ADGRL2: variants seen among roughly 807,000 people sequenced by gnomAD.
ADGRL2 encodes the protein adhesion G protein-coupled receptor L2.
ADGRL2 carries 44 observed loss-of-function variants against 157.4 expected under a neutral mutation model. The observed-to-expected ratio is 0.28, with a 90% CI of 0.22 to 0.36. The LOEUF (loss-of-function observed/expected upper bound fraction) is 0.36. ADGRL2 is among the 10% of genes least tolerant of loss of function. The pLI, the probability that ADGRL2 is intolerant of heterozygous loss-of-function variation, is 1.00. For synonymous variants in ADGRL2, 585 were observed against 624.7 expected (o/e 0.94, Z 0.95); for missense variants, 1,510 against 1,768.9 (o/e 0.85, Z 2.63).
At chr1:81,760,622 T>TA (rs1442704869) in intron 1 of ADGRL2, among the ~76,000 whole-genome samples, 2 of 151,848 alleles carry the variant, frequency 1.3e-5, no homozygotes, top group Admixed American at 1.3e-4. Flanking sequence ...CTTTAGTTCT[T>TA]AAAAAAAGTA....
chr1:81,309,238 CA>C (rs771969424), intron 1 of ADGRL2, among the ~76,000 whole-genome samples: 6 of 152,090 alleles, frequency 3.9e-5, no homozygotes, highest in Non-Finnish European at 7.4e-5. Context: ...TTTCCTAAAT[CA>C]TGGAAGTTAT....
At chr1:81,601,685 G>T (rs2081335864) in intron 3 of ADGRL2, among the ~76,000 whole-genome samples, 1 of 152,186 alleles carries the variant, frequency 6.6e-6, no homozygotes, top group South Asian at 2.1e-4. Context: ...ATTCATCTGA[G>T]AATGTGGCCA....
At chr1:81,849,788 C>A (rs2092932308) in intron 2 of ADGRL2, among the ~76,000 whole-genome samples, 2 of 151,842 alleles carry the variant, frequency 1.3e-5, no homozygotes, top group Non-Finnish European at 2.9e-5. Flanking sequence ...TGGATGGACA[C>A]CTTCCTAAGT....
intron 1 of ADGRL2, among the ~76,000 whole-genome samples, chr1:81,409,932 G>A (rs556931428): frequency 1.3e-5 from 2 of 152,118 alleles, no homozygotes; most frequent in Non-Finnish European, 2.9e-5. Flanking sequence ...GATGTTGGAT[G>A]CATATTTGAG....
At chr1:81,417,443 T>C (rs1253775734) in intron 1 of ADGRL2, among the ~76,000 whole-genome samples, 2 of 152,202 alleles carry the variant, frequency 1.3e-5, no homozygotes, top group Non-Finnish European at 2.9e-5. Context: ...TAGATCACAA[T>C]GAGTTTTTCA....
At chr1:81,774,697 A>G (rs1296949629) in intron 2 of ADGRL2, among the ~76,000 whole-genome samples, 2 of 152,094 alleles carry the variant, frequency 1.3e-5, no homozygotes, top group African/African-American at 2.4e-5. Context: ...TCATTATCAC[A>G]GTAGTTTTTG....
At chr1:81,306,573 T>A (rs887285291) in intron 1 of ADGRL2, 5 of 152,238 alleles carry the variant, frequency 3.3e-5, no homozygotes, top group African/African-American at 1.2e-4. Flanking sequence ...TTATCAAATG[T>A]CACTTGAATG....
At chr1:81,390,384 A>C (rs1419219649) in intron 1 of ADGRL2, among the ~76,000 whole-genome samples, 5 of 152,302 alleles carry the variant, frequency 3.3e-5, no homozygotes, top group Non-Finnish European at 2.9e-5. Flanking sequence ...TGGTCTGCAC[A>C]AAAAGGCACG....
At chr1:81,577,181 G>T (rs921335108) in intron 2 of ADGRL2, among the ~76,000 whole-genome samples, 3 of 152,118 alleles carry the variant, frequency 2.0e-5, no homozygotes, top group Non-Finnish European at 4.4e-5. Context: ...TGGGGGACAG[G>T]CACTATCTCT....
At chr1:81,690,799 G>T (rs991414008) in intron 3 of ADGRL2, among the ~76,000 whole-genome samples, 2 of 152,132 alleles carry the variant, frequency 1.3e-5, no homozygotes, top group African/African-American at 4.8e-5. Context: ...GTCACCAAAA[G>T]GAAGCATGTG....
chr1:81,532,966 A>G (rs2079640075), intron 2 of ADGRL2, among the ~76,000 whole-genome samples: 2 of 148,802 alleles, frequency 1.3e-5, no homozygotes, highest in Middle Eastern at 3.4e-3. Context: ...CTATCTATCT[A>G]TCTATCATCT....
intron 1 of ADGRL2, among the ~76,000 whole-genome samples, chr1:81,833,596 A>T (rs913026249): frequency 1.3e-5 from 2 of 152,242 alleles, no homozygotes; most frequent in African/African-American, 4.8e-5. Context: ...TCATCACATA[A>T]TAAGGCTAGG....
chr1:81,363,861 C>T (rs915149230), intron 1 of ADGRL2, among the ~76,000 whole-genome samples: 1 of 152,222 alleles, frequency 6.6e-6, no homozygotes, highest in East Asian at 1.9e-4. Context: ...AAAATGGAAG[C>T]CTGTACATAC....
intron 2 of ADGRL2, among the ~76,000 whole-genome samples, chr1:81,550,686 T>G (rs2080124638): frequency 6.6e-6 from 1 of 152,148 alleles, no homozygotes; most frequent in South Asian, 2.1e-4. Context: ...TGCCATGCTG[T>G]TCGAGATTTA....
chr1:81,746,992 G>A (rs375230795), intron 1 of ADGRL2, among the ~76,000 whole-genome samples: 43 of 146,036 alleles, frequency 2.9e-4, no homozygotes, highest in East Asian at 1.8e-3. Flanking sequence ...GTGTATATAC[G>A]TATATACGTG....
intron 3 of ADGRL2, among the ~76,000 whole-genome samples, chr1:81,627,154 A>G (rs1185062247): frequency 6.6e-6 from 1 of 152,094 alleles, no homozygotes; most frequent in Non-Finnish European, 1.5e-5. Context: ...GAAGTCATGA[A>G]AACCAAAACC....
At chr1:81,892,304 T>A (rs2094287925) in intron 2 of ADGRL2, among the ~76,000 whole-genome samples, 1 of 152,108 alleles carries the variant, frequency 6.6e-6, no homozygotes, top group African/African-American at 2.4e-5. Context: ...CAGATTTAAG[T>A]AGTTTGATCT....
At chr1:81,405,248 A>G (rs185207219) in intron 1 of ADGRL2, among the ~76,000 whole-genome samples, 2,338 of 152,278 alleles carry the variant, frequency 0.015, 19 homozygotes, top group Non-Finnish European at 0.025. Flanking sequence ...CCCTTATTCA[A>G]CATCACACAC....
intron 1 of ADGRL2, among the ~76,000 whole-genome samples, chr1:81,331,016 A>G (rs1255337159): frequency 6.6e-6 from 1 of 152,194 alleles, no homozygotes. Context: ...TGTCTTAAAC[A>G]TATTTGCATG....
Sources: gnomAD v4.1 joint callset for allele counts (sites outside exome capture counted in the v4.1 genomes callset) on GRCh38, gnomAD v4.1.1 for gene constraint, MANE v1.5 for transcripts, NCBI Gene and HGNC (gene_info 2026-07-23, HGNC 2026-07-21) for gene names.